Variants in TBC1D19 observed in about 807,000 individuals in gnomAD.
TBC1D19 encodes TBC1 domain family member 19.
In TBC1D19, 60 loss-of-function variants were observed where a neutral mutation model predicts 89.0. The observed-to-expected ratio is 0.67, with a 90% CI of 0.55 to 0.84. The LOEUF (loss-of-function observed/expected upper bound fraction) is 0.84, where lower values mean the gene tolerates loss of function less well. Ranked by LOEUF, TBC1D19 falls within the 40% of genes least tolerant of loss-of-function variation. The pLI, the probability that TBC1D19 is intolerant of heterozygous loss-of-function variation, is 0.00. For missense variants in TBC1D19, 500 were observed against 610.8 expected (o/e 0.82, Z 1.91); for synonymous variants, 189 against 199.7 (o/e 0.95, Z 0.45).
At chr4:26,781,451 T>A in the TBC1D19 span, among the ~76,000 whole-genome samples, 2 of 152,292 alleles carry the variant, frequency 1.3e-5, no homozygotes, top group South Asian at 4.2e-4. Context: ...GTCTGGCCTA[T>A]GTAGTTTCTC....
rs546541181 is a variant in TBC1D19, at chr4:26,633,801, C to T, written c.295-3410C>T. Among the ~76,000 whole-genome samples, 5 of 152,184 alleles carry T rather than the reference C, an allele frequency of 3.3e-5. No homozygotes were observed. In the South Asian group the frequency reaches 6.2e-4, roughly 19 times the overall value. ...TTTTCCTCAATGATTTTAATGGCAT[C>T]GGGAACTCATCTTCTGCCTCTTGGT... On this transcript the variant is annotated intron_variant, in intron 4 of 20. Coordinates refer to ENST00000264866, the MANE Select transcript of TBC1D19 (RefSeq NM_018317.4).
intron 13 of TBC1D19, among the ~76,000 whole-genome samples, chr4:26,699,251 C>T (rs1388878252): frequency 6.6e-6 from 1 of 152,090 alleles, no homozygotes; most frequent in Non-Finnish European, 1.5e-5. Context: ...AGCCAACAGG[C>T]ACATGAAAAA....
chr4:26,801,260 A>G, the TBC1D19 span, among the ~76,000 whole-genome samples: 1 of 151,982 alleles, frequency 6.6e-6, no homozygotes, highest in African/African-American at 2.4e-5. Context: ...TTTATTAAAT[A>G]GGAAATCCTT....
intron 7 of TBC1D19, among the ~76,000 whole-genome samples, chr4:26,658,055 A>T (rs1313067362): frequency 6.6e-6 from 1 of 152,060 alleles, no homozygotes; most frequent in Non-Finnish European, 1.5e-5. Context: ...CTCTGATGAT[A>T]GTTTCTTTTG....
the TBC1D19 span, among the ~76,000 whole-genome samples, chr4:26,767,415 T>C: frequency 6.6e-6 from 1 of 152,004 alleles, no homozygotes; most frequent in Non-Finnish European, 1.5e-5. Flanking sequence ...ATGGACTGAG[T>C]GTTTATGCCC....
intron 1 of TBC1D19, among the ~76,000 whole-genome samples, chr4:26,609,780 T>C (rs1741246377): frequency 6.6e-6 from 1 of 151,998 alleles, no homozygotes; most frequent in Admixed American, 6.6e-5. Flanking sequence ...GGAAGATAGA[T>C]TGGAAAAGGG....
chr4:26,584,332 GC>G, intron 1 of TBC1D19, 40 bp downstream of exon 1: 3 of 1,564,772 alleles, frequency 1.9e-6, no homozygotes, highest in Non-Finnish European at 2.6e-6. Flanking sequence ...GACGGGCGGG[GC>G]CGCGGCGATG....
the TBC1D19 span, among the ~76,000 whole-genome samples, chr4:26,789,402 A>G: frequency 6.6e-6 from 1 of 152,226 alleles, no homozygotes; most frequent in Non-Finnish European, 1.5e-5. Context: ...GGCAAAGGAC[A>G]TGAACAGACA....
chr4:26,601,144 T>C (rs201589030), intron 1 of TBC1D19, among the ~76,000 whole-genome samples: 1 of 146,324 alleles, frequency 6.8e-6, no homozygotes, highest in African/African-American at 2.5e-5. Context: ...TATATATATA[T>C]ACATATATAC....
the TBC1D19 span, among the ~76,000 whole-genome samples, chr4:26,846,942 T>C: frequency 6.6e-6 from 1 of 152,178 alleles, no homozygotes; most frequent in Non-Finnish European, 1.5e-5. Flanking sequence ...CTCTGCCTGC[T>C]CCTAAGATGG....
At chr4:26,812,842 A>G in the TBC1D19 span, among the ~76,000 whole-genome samples, 1 of 151,552 alleles carries the variant, frequency 6.6e-6, no homozygotes, top group South Asian at 2.1e-4. This position sits in a 1 kb window ranked among gnomAD's most constrained non-coding sequence, Gnocchi z 4.2. Context: ...ATATATATGT[A>G]TATATACAAT....
rs760335930 is a variant in TBC1D19 at position 26,720,072 on chromosome 4, C to G, written c.1040-9C>G. ...TCATATTGAAATCCTCTATGGTTTT[C>G]TCTTATAGGAAAACTAGGACTGGAA... On this transcript the variant is annotated splice_polypyrimidine_tract_variant and intron_variant, in intron 14 of 20. Transcript: ENST00000264866. 1 of 1,593,610 alleles carries G rather than the reference C, an allele frequency of 6.3e-7. No individual in the cohort carries two copies. Among genetic ancestry groups the G allele is most frequent in the Non-Finnish European group, 8.5e-7 (1 of 1,170,212 alleles).
At chr4:26,623,149 A>G (rs559652696) in intron 4 of TBC1D19, among the ~76,000 whole-genome samples, 1 of 152,204 alleles carries the variant, frequency 6.6e-6, no homozygotes, top group Non-Finnish European at 1.5e-5. Context: ...GTATTGCATC[A>G]TGTTCTTCCT....
chr4:26,680,495 C>T (rs1373773726), intron 11 of TBC1D19, among the ~76,000 whole-genome samples: 1 of 152,150 alleles, frequency 6.6e-6, no homozygotes, highest in African/African-American at 2.4e-5. Flanking sequence ...CCATCTCTCT[C>T]TCCCTTTCCT....
At chr4:26,632,367 AT>A (rs1446868948) in intron 4 of TBC1D19, among the ~76,000 whole-genome samples, 6 of 150,938 alleles carry the variant, frequency 4.0e-5, no homozygotes, top group Non-Finnish European at 7.4e-5. Flanking sequence ...TATATGTTAT[AT>A]ATATTATATA....
At chr4:26,770,542 CAAT>C in the TBC1D19 span, among the ~76,000 whole-genome samples, 1 of 151,698 alleles carries the variant, frequency 6.6e-6, no homozygotes, top group Non-Finnish European at 1.5e-5. Context: ...CCTATTCCAC[CAAT>C]AATTGATAAA....
chr4:26,764,371 C>A, the TBC1D19 span, among the ~76,000 whole-genome samples: 1 of 152,130 alleles, frequency 6.6e-6, no homozygotes, highest in East Asian at 1.9e-4. Flanking sequence ...GAGTCCAGAT[C>A]CCATGGTATG....
intron 7 of TBC1D19, among the ~76,000 whole-genome samples, chr4:26,650,816 A>G (rs191493243): frequency 1.3e-3 from 192 of 152,262 alleles, no homozygotes; most frequent in African/African-American, 4.2e-3. Context: ...GGTATTACCT[A>G]GGTTTTCTTC....
chr4:26,820,647 A>C, the TBC1D19 span, among the ~76,000 whole-genome samples: 1 of 152,232 alleles, frequency 6.6e-6, no homozygotes, highest in Non-Finnish European at 1.5e-5. Flanking sequence ...GTGGTAGTGC[A>C]GATATCTCTT....
Sources: gnomAD v4.1 joint callset for allele counts (sites outside exome capture counted in the v4.1 genomes callset) on GRCh38, gnomAD v4.1.1 for gene constraint, Gnocchi (gnomAD v3.1) non-coding constraint, MANE v1.5 for transcripts, NCBI Gene and HGNC (gene_info 2026-07-23, HGNC 2026-07-21) for gene names.